DSCAML1: variants seen among roughly 807,000 people sequenced by gnomAD.
The protein encoded by DSCAML1 is cell adhesion molecule DSCAML1.
A neutral mutation model predicts 200.5 loss-of-function variants in DSCAML1; 38 were observed. The observed-to-expected ratio is 0.19, with a 90% confidence interval of 0.15 to 0.25. The LOEUF is 0.25. Ranked by LOEUF, DSCAML1 falls within the 10% of genes least tolerant of loss-of-function variation. The probability of loss-of-function intolerance (pLI) is 1.00; values close to 1 mark genes in which losing one functional copy is unlikely to be tolerated. For synonymous variants in DSCAML1, 1,215 were observed against 1,165.0 expected, an observed-to-expected ratio of 1.04 and a Z score of -0.87; for missense variants, 2,223 against 2,858.8, an observed-to-expected ratio of 0.78 and a Z score of 5.07.
chr11:117,590,381 A>C (rs1243197609), intron 3 of DSCAML1, among the ~76,000 whole-genome samples: 2 of 152,052 alleles, frequency 1.3e-5, no homozygotes, highest in Non-Finnish European at 2.9e-5. Flanking sequence ...AAAAAAAAAA[A>C]AAACTTGTCC....
At chr11:117,595,269 C>T (rs1195524514) in intron 3 of DSCAML1, among the ~76,000 whole-genome samples, 1 of 152,070 alleles carries the variant, frequency 6.6e-6, no homozygotes, top group Admixed American at 6.5e-5. Context: ...TAAAAAATGT[C>T]TACTTTTTCC....
intron 3 of DSCAML1, among the ~76,000 whole-genome samples, chr11:117,613,367 T>A (rs2051736629): frequency 1.3e-5 from 2 of 151,890 alleles, no homozygotes; most frequent in South Asian, 2.1e-4. Context: ...AAGAGGTGAA[T>A]TATGACAACA....
intron 1 of DSCAML1, among the ~76,000 whole-genome samples, chr11:117,804,344 T>C (rs2055691086): frequency 6.6e-6 from 1 of 152,184 alleles, no homozygotes; most frequent in Non-Finnish European, 1.5e-5. Flanking sequence ...CAACTCAGTC[T>C]CTCAAATGCT....
intron 3 of DSCAML1, among the ~76,000 whole-genome samples, chr11:117,681,617 T>C (rs888630920): frequency 1.3e-5 from 2 of 152,240 alleles, no homozygotes; most frequent in African/African-American, 4.8e-5. Context: ...GATGGCTGCT[T>C]GGAGACTGCG....
intron 3 of DSCAML1, among the ~76,000 whole-genome samples, chr11:117,654,146 G>A (rs1223332318): frequency 6.6e-6 from 1 of 152,202 alleles, no homozygotes; most frequent in Non-Finnish European, 1.5e-5. Flanking sequence ...ATCCAAAATA[G>A]GCAAATCTAT....
chr11:117,452,415 A>G (rs994222656), intron 19 of DSCAML1, among the ~76,000 whole-genome samples: 1 of 152,180 alleles, frequency 6.6e-6, no homozygotes, highest in Admixed American at 6.5e-5. Context: ...TCTGACACTA[A>G]TATTCCAGTT....
intron 3 of DSCAML1, among the ~76,000 whole-genome samples, chr11:117,751,623 T>C (rs537457003): frequency 6.6e-6 from 1 of 152,140 alleles, no homozygotes; most frequent in Non-Finnish European, 1.5e-5. Context: ...CTTTCAGTGA[T>C]GCTCTTAGTG....
intron 3 of DSCAML1, among the ~76,000 whole-genome samples, chr11:117,709,530 T>G (rs1386754336): frequency 2.0e-5 from 3 of 152,102 alleles, no homozygotes; most frequent in Non-Finnish European, 4.4e-5. Flanking sequence ...ACATATGAAT[T>G]GCGGGGGTTG....
At chr11:117,638,552 A>C (rs913198500) in intron 3 of DSCAML1, among the ~76,000 whole-genome samples, 8 of 152,080 alleles carry the variant, frequency 5.3e-5, no homozygotes, top group African/African-American at 1.9e-4. Context: ...AGCCTACCCC[A>C]TTCCCCCGGC....
At position 117,465,056 on chromosome 11, in the gene DSCAML1, A is replaced by G. The variant is rs1222848253; in HGVS notation, c.3151T>C (p.Tyr1051His). Residue 1051 changes from tyrosine (Y) to histidine (H), a missense_variant, in exon 17 of 33, where the codon TAC (tyrosine) becomes CAC (histidine). By Grantham distance (83) the Tyr-to-His change is moderately conservative. Transcript: ENST00000651296. ...EMKATGDSEV[Y>H]TLDNLKKFAQ... ...AACTTCTTGAGGTTGTCCAGGGTGT[A>G]GACCTCGCTGTCCCCCGTGGCCTTC... 1.2e-6 allele frequency: 2 copies of G among 1,614,004 alleles called. No individual in the cohort carries two copies. The highest frequency in any genetic ancestry group is 1.7e-6 in the Non-Finnish European group (2 of 1,180,026).
chr11:117,472,119 T>C, intron 14 of DSCAML1, 83 bp from the exon 15 acceptor site: 3 of 1,527,230 alleles, frequency 2.0e-6, no homozygotes, highest in East Asian at 2.3e-5. Flanking sequence ...TACAACCCAA[T>C]ATTAAGTTGG....
chr11:117,691,904 A>G (rs2053501560), intron 3 of DSCAML1, among the ~76,000 whole-genome samples: 1 of 152,120 alleles, frequency 6.6e-6, no homozygotes, highest in Admixed American at 6.5e-5. Context: ...GCCTTACTGC[A>G]GGAGGGCACT....
chr11:117,507,266 C>G (rs1643505654), intron 8 of DSCAML1, among the ~76,000 whole-genome samples: 2 of 152,176 alleles, frequency 1.3e-5, no homozygotes, highest in South Asian at 2.1e-4. Context: ...GCACAGTCCT[C>G]TAGCCTTCTC....
chr11:117,778,589 T>C (rs1435396348), intron 2 of DSCAML1, among the ~76,000 whole-genome samples: 1 of 152,262 alleles, frequency 6.6e-6, no homozygotes, highest in Non-Finnish European at 1.5e-5. Flanking sequence ...AATGTCACTT[T>C]TCATGATAGC....
intron 3 of DSCAML1, among the ~76,000 whole-genome samples, chr11:117,767,195 C>A (rs1414539131): frequency 6.6e-6 from 1 of 152,130 alleles, no homozygotes; most frequent in African/African-American, 2.4e-5. Context: ...TCTCCAAGAG[C>A]TGAAGTCAAA....
chr11:117,516,073 C>T lies in DSCAML1; in HGVS notation c.1783+394G>A, dbSNP rs2049759637. Among the ~76,000 whole-genome samples the T allele has an allele frequency of 6.6e-6, 1 of 152,194 alleles. No individual in the cohort carries two copies. The highest frequency in any genetic ancestry group is 1.9e-4 in the East Asian group (1 of 5,184). ...AGCGTGCTCTGTCAACCCTGGCCTCCTGTTGCTTGTGGCCTCCTTGTGTGG... is the reference window on the plus strand; with the variant it reads ...AGCGTGCTCTGTCAACCCTGGCCTCTTGTTGCTTGTGGCCTCCTTGTGTGG... On this transcript the variant is annotated intron_variant, in intron 8 of 32. Coordinates refer to ENST00000651296, the MANE Select transcript of DSCAML1 (RefSeq NM_020693.4). The surrounding 1 kb of genome is among the most constrained non-coding windows in gnomAD (Gnocchi z 5.7).
chr11:117,646,694 G>A (rs1353815118), intron 3 of DSCAML1, among the ~76,000 whole-genome samples: 2 of 152,114 alleles, frequency 1.3e-5, no homozygotes, highest in Non-Finnish European at 2.9e-5. Context: ...GGCCATGGTA[G>A]AAGTAATTAC....
intron 11 of DSCAML1, among the ~76,000 whole-genome samples, chr11:117,485,604 G>A (rs1443353872): frequency 6.6e-6 from 1 of 152,208 alleles, no homozygotes; most frequent in East Asian, 1.9e-4. Flanking sequence ...TATGTAAACT[G>A]CCTGCCACAC....
chr11:117,665,902 G>A (rs1565861421), intron 3 of DSCAML1, among the ~76,000 whole-genome samples: 2 of 152,208 alleles, frequency 1.3e-5, no homozygotes, highest in African/African-American at 2.4e-5. Flanking sequence ...CCCAGATGAG[G>A]AATCCATTGC....
Sources: allele counts gnomAD v4.1 joint callset (sites outside exome capture counted in the v4.1 genomes callset), GRCh38; gene constraint gnomAD v4.1.1; non-coding constraint Gnocchi (gnomAD v3.1); transcripts MANE v1.5; gene names NCBI Gene and HGNC (gene_info 2026-07-23, HGNC 2026-07-21).